RIPOR2: variants seen among roughly 807,000 people sequenced by gnomAD.
The protein encoded by RIPOR2 is rho family-interacting cell polarization regulator 2.
RIPOR2 carries 39 observed loss-of-function variants against 114.5 expected under a neutral mutation model. The ratio of observed to expected loss-of-function variants is 0.34; its 90% confidence interval spans 0.26 to 0.44. The LOEUF (loss-of-function observed/expected upper bound fraction) is 0.44. Among genes scored for constraint, RIPOR2 ranks in the 20% least tolerant of loss-of-function variants. The pLI, the probability that RIPOR2 is intolerant of heterozygous loss-of-function variation, is 1.00. For missense variants in RIPOR2, 1,007 were observed against 1,255.1 expected, an observed-to-expected ratio of 0.80 and a Z score of 2.99; for synonymous variants, 445 against 484.4, an observed-to-expected ratio of 0.92 and a Z score of 1.07.
intron 1 of RIPOR2, among the ~76,000 whole-genome samples, chr6:25,029,611 G>C (rs1776821379): frequency 6.6e-6 from 1 of 151,868 alleles, no homozygotes; most frequent in Non-Finnish European, 1.5e-5. Context: ...GGGACCCTCC[G>C]TGCCCCACAT....
chr6:25,016,243 A>G (rs1775996806), intron 1 of RIPOR2, among the ~76,000 whole-genome samples: 2 of 152,142 alleles, frequency 1.3e-5, no homozygotes, highest in African/African-American at 4.8e-5. Context: ...AAAAATAACA[A>G]TTCATTCCAG....
intron 1 of RIPOR2, among the ~76,000 whole-genome samples, chr6:24,961,699 C>G (rs1773317089): frequency 6.6e-6 from 1 of 151,016 alleles, no homozygotes; most frequent in East Asian, 1.9e-4. Flanking sequence ...ACAATCTAAG[C>G]TCACAACCTC....
Position 24,870,907 on chromosome 6 carries a change from ATATCTGCAT to A in RIPOR2, c.424-27_424-19del. ...AGTACACCCTACAATAAAAAAAGGA[ATATCTGCAT>A]TTAAACATTATCCTTCAAAAGGTTA... On this transcript the variant is annotated intron_variant, in intron 4 of 21. Transcript: ENST00000643898. 2 of 1,562,516 alleles carry A rather than the reference ATATCTGCAT, an allele frequency of 1.3e-6. No individual in the cohort carries two copies. Among genetic ancestry groups the A allele is most frequent in the South Asian group, 2.3e-5 (2 of 86,150 alleles).
intron 20 of RIPOR2, among the ~76,000 whole-genome samples, chr6:24,817,952 T>C (rs1298186370): frequency 6.7e-6 from 1 of 150,172 alleles, no homozygotes; most frequent in Non-Finnish European, 1.5e-5. Context: ...TAAAATAAGA[T>C]ATACTTTCCT....
intron 15 of RIPOR2, among the ~76,000 whole-genome samples, chr6:24,833,337 C>A (rs1760827925): frequency 6.6e-6 from 1 of 152,056 alleles, no homozygotes; most frequent in Non-Finnish European, 1.5e-5. Context: ...CCCATCTCTA[C>A]TAAATATACA....
At chr6:24,877,434 A>C (rs1765908802) in intron 1 of RIPOR2, 1 of 735,932 alleles carries the variant, frequency 1.4e-6, no homozygotes, top group Admixed American at 6.3e-5. Flanking sequence ...CAAATCCCAT[A>C]CTAGCTGGGG....
At chr6:25,000,518 T>C (rs1775255825) in intron 1 of RIPOR2, among the ~76,000 whole-genome samples, 1 of 152,228 alleles carries the variant, frequency 6.6e-6, no homozygotes, top group Non-Finnish European at 1.5e-5. Context: ...GTTTTATATC[T>C]GTATTTTAAT....
intron 1 of RIPOR2, chr6:24,877,320 G>A: frequency 1.0e-6 from 1 of 985,344 alleles, no homozygotes; most frequent in South Asian, 4.7e-5. Context: ...CCCTCTCCAG[G>A]AGAGAGCAGC....
chr6:24,966,340 A>G (rs887291517), intron 1 of RIPOR2, among the ~76,000 whole-genome samples: 2 of 152,200 alleles, frequency 1.3e-5, no homozygotes, highest in African/African-American at 4.8e-5. Flanking sequence ...ATATTTTACT[A>G]TCATAATACA....
At chr6:25,041,293 C>T (rs1777454180) in intron 1 of RIPOR2, among the ~76,000 whole-genome samples, 1 of 152,178 alleles carries the variant, frequency 6.6e-6, no homozygotes, top group Admixed American at 6.5e-5. Flanking sequence ...ATAGGAAATG[C>T]TTTTTCATTC....
chr6:24,910,888 C>A (rs940090188), intron 1 of RIPOR2: 2 of 985,246 alleles, frequency 2.0e-6, no homozygotes, highest in African/African-American at 3.5e-5. Flanking sequence ...GCCTCCGCAC[C>A]AATGCAATGC....
chr6:24,880,022 A>T (rs1766202090), intron 1 of RIPOR2, among the ~76,000 whole-genome samples: 1 of 152,260 alleles, frequency 6.6e-6, no homozygotes, highest in Non-Finnish European at 1.5e-5. Context: ...GTAGAATTGC[A>T]GTATTACTGC....
chr6:24,835,588 G>C (rs537955467), intron 15 of RIPOR2, 115 bp downstream of exon 15: 2 of 1,161,142 alleles, frequency 1.7e-6, no homozygotes, highest in African/African-American at 1.5e-5. Flanking sequence ...ACCACAGCAA[G>C]ACTGTTCTCT....
chr6:25,001,686 C>G (rs1402754618), intron 1 of RIPOR2, among the ~76,000 whole-genome samples: 11 of 132,930 alleles, frequency 8.3e-5, no homozygotes, highest in African/African-American at 2.7e-4. Context: ...GCCTTACTTT[C>G]TTTTTCCTTT....
chr6:24,992,419 CACTAGCA>C (rs1774864528), intron 1 of RIPOR2, among the ~76,000 whole-genome samples: 1 of 152,140 alleles, frequency 6.6e-6, no homozygotes, highest in Admixed American at 6.5e-5. Context: ...TATTCCTATA[CACTAGCA>C]ACAGCCAAAC....
intron 1 of RIPOR2, among the ~76,000 whole-genome samples, chr6:24,957,046 T>C (rs1773070950): frequency 6.6e-6 from 1 of 152,242 alleles, no homozygotes; most frequent in Admixed American, 6.5e-5. Context: ...GAAAACTTAT[T>C]TCATCTATTA....
Position 24,980,466 on chromosome 6 carries a change from G to C in RIPOR2, c.76+61385C>G, listed in dbSNP as rs185520302. 3.1e-4 allele frequency among the ~76,000 whole-genome samples: 47 copies of C among 152,272 alleles called. 1 individual carries two copies. In the East Asian group the frequency reaches 8.9e-3, roughly 29 times the overall value. ...TTTATATAAATGGATTTTTAGAATA[G>C]TACTGTGTATTCCCTGATGTGAAGA... On this transcript the variant is annotated intron_variant, in intron 1 of 13. Transcript: ENST00000510784.
At chr6:25,008,473 A>C (rs1775646893) in intron 1 of RIPOR2, among the ~76,000 whole-genome samples, 1 of 152,244 alleles carries the variant, frequency 6.6e-6, no homozygotes, top group African/African-American at 2.4e-5. Flanking sequence ...TGGCTCTAGA[A>C]GCTGGAAAAG....
chr6:24,961,496 C>T lies in RIPOR2; in HGVS notation c.76+80355G>A, dbSNP rs186978703. Reference sequence around the variant, plus strand: ...TAGCCTGGAATTCTGTGCTCTGGGGCAAGTCACTTAACCTCTCCAAGCCTC... The same window carrying T: ...TAGCCTGGAATTCTGTGCTCTGGGGTAAGTCACTTAACCTCTCCAAGCCTC... On this transcript the variant is annotated intron_variant, in intron 1 of 13. Coordinates refer to the RIPOR2 transcript ENST00000510784. Among the ~76,000 whole-genome samples, 23 of 152,278 alleles carry T rather than the reference C, an allele frequency of 1.5e-4. No individual in the cohort carries two copies. The East Asian group carries it at 4.2e-3, about 28-fold the overall frequency.
Sources: gnomAD v4.1 joint callset for allele counts (sites outside exome capture counted in the v4.1 genomes callset) on GRCh38, gnomAD v4.1.1 for gene constraint, MANE v1.5 for transcripts, NCBI Gene and HGNC (gene_info 2026-07-23, HGNC 2026-07-21) for gene names.